The following ZDHHC21 variants were observed in gnomAD, a reference collection of about 807,000 sequenced individuals.
ZDHHC21 encodes zDHHC palmitoyltransferase 21.
In ZDHHC21, 15 loss-of-function variants were observed where a neutral mutation model predicts 34.6. That is an observed-to-expected ratio of 0.43 (90% CI 0.29 to 0.67). The LOEUF is 0.67. Among genes scored for constraint, ZDHHC21 ranks in the 30% least tolerant of loss-of-function variants. The probability of loss-of-function intolerance (pLI) is 0.14; values close to 1 mark genes in which losing one functional copy is unlikely to be tolerated. For missense variants in ZDHHC21, 344 were observed against 327.7 expected (o/e 1.05, Z -0.38); for synonymous variants, 142 against 101.8 (o/e 1.40, Z -2.38).
At chr9:14,602,109 C>T in the ZDHHC21 span, among the ~76,000 whole-genome samples, 1 of 151,928 alleles carries the variant, frequency 6.6e-6, no homozygotes, top group Non-Finnish European at 1.5e-5. Context: ...AACAAACCTG[C>T]ATGTTCTACA....
At chr9:14,627,831 G>A (rs1343567) in intron 8 of ZDHHC21, among the ~76,000 whole-genome samples, 8,906 of 152,092 alleles carry the variant, frequency 0.059, 341 homozygotes, top group South Asian at 0.1. Flanking sequence ...CATCAGAATG[G>A]ACATTATTGT....
intron 7 of ZDHHC21, among the ~76,000 whole-genome samples, chr9:14,640,885 C>A (rs1829258873): frequency 6.6e-6 from 1 of 152,042 alleles, no homozygotes; most frequent in Admixed American, 6.6e-5. Flanking sequence ...AAACAAAAAG[C>A]ATTTCATTTA....
At chr9:14,691,845 T>C (rs1441662265) in intron 1 of ZDHHC21, among the ~76,000 whole-genome samples, 2 of 152,260 alleles carry the variant, frequency 1.3e-5, no homozygotes, top group Non-Finnish European at 2.9e-5. Flanking sequence ...TATATGTTTT[T>C]AATGTACCTT....
At chr9:14,648,195 T>C (rs748216604) in intron 7 of ZDHHC21, among the ~76,000 whole-genome samples, 2 of 152,130 alleles carry the variant, frequency 1.3e-5, no homozygotes, top group Admixed American at 6.6e-5. Flanking sequence ...CAAACTATAA[T>C]AGACCACTTG....
chr9:14,623,077 A>C (rs911176265), intron 8 of ZDHHC21, among the ~76,000 whole-genome samples: 1 of 152,106 alleles, frequency 6.6e-6, no homozygotes, highest in African/African-American at 2.4e-5. Context: ...AACTACTGGA[A>C]GAAAACATAG....
intron 6 of ZDHHC21, 75 bp from the exon 7 acceptor site, chr9:14,658,962 T>C (rs1393013495): frequency 7.0e-7 from 1 of 1,419,280 alleles, no homozygotes; most frequent in East Asian, 2.3e-5. Flanking sequence ...AAGACTAAAT[T>C]AAAAACAAAT....
the ZDHHC21 span, chr9:14,589,732 C>T: frequency 2.6e-5 from 4 of 152,202 alleles, no homozygotes; most frequent in Admixed American, 1.3e-4. Context: ...AAAACTAAAA[C>T]TAGGTTTTAT....
intron 7 of ZDHHC21, among the ~76,000 whole-genome samples, chr9:14,651,572 C>G (rs972919425): frequency 2.6e-5 from 4 of 151,822 alleles, no homozygotes; most frequent in Admixed American, 2.0e-4. Context: ...ACATTTTCCA[C>G]TAATCCAAGT....
At chr9:14,681,326 C>T (rs1457101008) in intron 2 of ZDHHC21, among the ~76,000 whole-genome samples, 5 of 152,168 alleles carry the variant, frequency 3.3e-5, no homozygotes, top group Admixed American at 2.0e-4. Context: ...CTCAAGCAAT[C>T]CTCCTGCCTC....
the ZDHHC21 span, among the ~76,000 whole-genome samples, chr9:14,596,920 G>C: frequency 2.0e-5 from 3 of 152,168 alleles, no homozygotes; most frequent in Non-Finnish European, 2.9e-5. Context: ...AGGCATGGAA[G>C]GAGAGAGAAG....
At chr9:14,643,856 G>T (rs1375162616) in intron 7 of ZDHHC21, among the ~76,000 whole-genome samples, 1 of 152,020 alleles carries the variant, frequency 6.6e-6, no homozygotes, top group Admixed American at 6.6e-5. Context: ...TTGTTCCCTT[G>T]GTTTGTTTAT....
rs1824673917 is a variant in ZDHHC21, at chr9:14,618,480, A to C, written c.*486T>G. Reference sequence around the variant, plus strand: ...TTAAAAACGTTGCAGCACATTTAAAAGGAAAGGTTATTTTAAATTGGATTT... The same window carrying C: ...TTAAAAACGTTGCAGCACATTTAAACGGAAAGGTTATTTTAAATTGGATTT... On this transcript the variant is annotated 3_prime_UTR_variant, in exon 10 of 10. Transcript: ENST00000380916. The C allele has an allele frequency of 6.6e-6, 1 of 152,580 alleles. No individual in the cohort carries two copies. Among genetic ancestry groups the C allele is most frequent in the African/African-American group, 2.4e-5 (1 of 41,446 alleles). 9.5% of individuals were successfully genotyped at this position (152,580 alleles called of 1,614,324 possible).
intron 3 of ZDHHC21, among the ~76,000 whole-genome samples, chr9:14,677,834 G>A (rs143769988): frequency 1.6e-3 from 242 of 152,144 alleles, no homozygotes; most frequent in Non-Finnish European, 2.5e-3. Flanking sequence ...TCAGGCAACT[G>A]TATTTCACCA....
chr9:14,608,504 GC>G (rs1823090349), downstream of ZDHHC21, among the ~76,000 whole-genome samples: 1 of 152,098 alleles, frequency 6.6e-6, no homozygotes, highest in Admixed American at 6.6e-5. Flanking sequence ...CTTAAAAAAT[GC>G]AAAACACACT....
intron 8 of ZDHHC21, among the ~76,000 whole-genome samples, chr9:14,621,832 C>T (rs533519548): frequency 6.6e-6 from 1 of 151,998 alleles, no homozygotes; most frequent in Non-Finnish European, 1.5e-5. Context: ...TGAAAAACCA[C>T]AAGTTATCCT....
At chr9:14,660,093 C>T (rs1177302006) in intron 6 of ZDHHC21, among the ~76,000 whole-genome samples, 1 of 151,926 alleles carries the variant, frequency 6.6e-6, no homozygotes, top group African/African-American at 2.4e-5. Context: ...AGGCCAGGCG[C>T]GGTGACTCAA....
At chr9:14,643,690 T>A (rs1473561694) in intron 7 of ZDHHC21, among the ~76,000 whole-genome samples, 4 of 152,198 alleles carry the variant, frequency 2.6e-5, no homozygotes, top group Non-Finnish European at 5.9e-5. Context: ...TCACATAGAA[T>A]TATTATTTAA....
chr9:14,621,765 C>T (rs1825348459), intron 8 of ZDHHC21, among the ~76,000 whole-genome samples: 1 of 152,044 alleles, frequency 6.6e-6, no homozygotes. Context: ...ATCACATTCA[C>T]TAGCAGGACA....
intron 3 of ZDHHC21, among the ~76,000 whole-genome samples, chr9:14,678,681 A>T (rs1189273556): frequency 6.6e-6 from 1 of 152,050 alleles, no homozygotes; most frequent in African/African-American, 2.4e-5. Flanking sequence ...CCTAAAAAGT[A>T]CTCCTGAGAC....
Sources: gnomAD v4.1 joint callset for allele counts (sites outside exome capture counted in the v4.1 genomes callset) on GRCh38, gnomAD v4.1.1 for gene constraint, MANE v1.5 for transcripts, NCBI Gene and HGNC (gene_info 2026-07-23, HGNC 2026-07-21) for gene names.